The following SCGB1C1 variants were observed in gnomAD, a reference collection of about 807,000 sequenced individuals.
The protein encoded by SCGB1C1 is ligand binding protein RYD5.
Under a neutral mutation model 8.9 loss-of-function variants are expected in SCGB1C1, and 2 were observed. The ratio of observed to expected loss-of-function variants is 0.23; its 90% confidence interval spans 0.09 to 0.71. The LOEUF (loss-of-function observed/expected upper bound fraction) is 0.71. Among genes scored for constraint, SCGB1C1 ranks in the 30% least tolerant of loss-of-function variants. The pLI, the probability that SCGB1C1 is intolerant of heterozygous loss-of-function variation, is 0.78. For synonymous variants in SCGB1C1, 6 were observed against 45.8 expected, an observed-to-expected ratio of 0.13 and a Z score of 3.51; for missense variants, 25 against 112.7, an observed-to-expected ratio of 0.22 and a Z score of 3.52.
At chr11:191,831 CCCTAA>C (rs1245633377), upstream of SCGB1C1, among the ~76,000 whole-genome samples, 333 of 40,550 alleles carry the variant, frequency 8.2e-3, no homozygotes, top group Middle Eastern at 0.021. Flanking sequence ...TAACCCCTAA[CCCTAA>C]CCCTAACCCT....
Position 193,733 on chromosome 11 carries a change from A to G in SCGB1C1, c.77A>G (p.Asn26Ser). The change falls in exon 2 of 3, where the codon AAC becomes AGC. Residue 26 changes from asparagine to serine, a missense_variant. Physicochemically the swap from Asn to Ser is conservative, Grantham distance 46. Transcript: ENST00000342878. ...CICRMATGED[N>S]DEFFMDFLQT... ...GCAGGGATGGCCACAGGGGAGGACA[A>G]CGATGAGTTTTTCATGGACTTCCTG... 1 of 1,613,840 alleles carries G rather than the reference A, an allele frequency of 6.2e-7. No homozygotes were observed. Among genetic ancestry groups the G allele is most frequent in the East Asian group, 2.2e-5 (1 of 44,880 alleles).
chr11:192,411 T>C (rs1854829810), upstream of SCGB1C1, among the ~76,000 whole-genome samples: 1 of 152,000 alleles, frequency 6.6e-6, no homozygotes, highest in Non-Finnish European at 1.5e-5. Context: ...TGGCTACTGA[T>C]GGAAGATGTA....
upstream of SCGB1C1, among the ~76,000 whole-genome samples, chr11:189,582 C>T (rs1230354178): frequency 6.9e-6 from 1 of 145,036 alleles, no homozygotes. Flanking sequence ...GACGCAGAGT[C>T]ACGCGCCACC....
chr11:193,883 T>A lies in SCGB1C1; in HGVS notation c.227T>A (p.Met76Lys). 2 of 1,473,978 alleles carry A rather than the reference T, an allele frequency of 1.4e-6. No homozygotes were observed. Among genetic ancestry groups the A allele is most frequent in the Non-Finnish European group, 1.9e-6 (2 of 1,078,884 alleles). The allele number at this position is 1,473,978 out of a possible 1,614,324, so 91.3% of individuals were successfully genotyped here. A position where few individuals can be genotyped will look rare whatever the true frequency, so the allele number is the denominator to read the frequency against. ...LKSCIDGLQP[M>K]HKAELVKLLV... is the part of the protein sequence containing the mutation. Reference sequence around the variant, plus strand: ...TCCTGTATAGATGGCCTGCAGCCAATGCACAAGGCGGAGCTGGTCAAGCTG... The same window carrying A: ...TCCTGTATAGATGGCCTGCAGCCAAAGCACAAGGCGGAGCTGGTCAAGCTG... Residue 76 changes from methionine to lysine, a missense_variant, in exon 2 of 3, where the codon ATG becomes AAG. Physicochemically the swap from Met to Lys is moderately conservative, Grantham distance 95. Coordinates refer to ENST00000342878, the MANE Select transcript of SCGB1C1 (RefSeq NM_145651.3).
intron 1 of SCGB1C1, among the ~76,000 whole-genome samples, chr11:193,488 A>C (rs1233832188): frequency 2.0e-5 from 3 of 152,012 alleles, no homozygotes; most frequent in Non-Finnish European, 2.9e-5. Flanking sequence ...GATCCCAGGG[A>C]ATGCTGAGTG....
At chr11:191,914 C>T (rs1337559641), upstream of SCGB1C1, among the ~76,000 whole-genome samples, 19 of 151,868 alleles carry the variant, frequency 1.3e-4, no homozygotes, top group East Asian at 3.9e-4. Flanking sequence ...TAACCCTTAC[C>T]GGTGACCCTA....
At chr11:189,916 G>C (rs1202343011), upstream of SCGB1C1, among the ~76,000 whole-genome samples, 1 of 151,898 alleles carries the variant, frequency 6.6e-6, no homozygotes, top group African/African-American at 2.4e-5. Flanking sequence ...GGGCCCTCTT[G>C]CTCACAGTGT....
upstream of SCGB1C1, among the ~76,000 whole-genome samples, chr11:191,926 T>C (rs1854820381): frequency 6.6e-6 from 1 of 151,942 alleles, no homozygotes; most frequent in Non-Finnish European, 1.5e-5. Flanking sequence ...GTGACCCTAC[T>C]GTATCCCTGA....
At chr11:191,560 C>G (rs1208236851), upstream of SCGB1C1, among the ~76,000 whole-genome samples, 1 of 149,294 alleles carries the variant, frequency 6.7e-6, no homozygotes, top group African/African-American at 2.5e-5. Context: ...AACAGCCCAA[C>G]TAAAAATGCA....
upstream of SCGB1C1, among the ~76,000 whole-genome samples, chr11:189,328 C>T (rs1326858961): frequency 6.6e-6 from 1 of 152,192 alleles, no homozygotes; most frequent in East Asian, 1.9e-4. Context: ...CAAGCTCTAC[C>T]CTGGCCACCT....
chr11:190,873 TATC>T (rs1854791797), upstream of SCGB1C1, among the ~76,000 whole-genome samples: 1 of 152,294 alleles, frequency 6.6e-6, no homozygotes, highest in Non-Finnish European at 1.5e-5. Flanking sequence ...CCTTTGGCCT[TATC>T]AGCATGTAGC....
At chr11:191,855 CCCCTAACCCCTAACCCTAACCCTAA>C (rs1554886288), upstream of SCGB1C1, among the ~76,000 whole-genome samples, 10 of 16,226 alleles carry the variant, frequency 6.2e-4, no homozygotes, top group African/African-American at 1.3e-3. Context: ...CTAACCCTAA[CCCCTAACCCCTAACCCTAACCCTAA>C]CCCTAACCCC....
upstream of SCGB1C1, among the ~76,000 whole-genome samples, chr11:192,241 A>G (rs1397307351): frequency 2.0e-5 from 3 of 149,924 alleles, no homozygotes; most frequent in Non-Finnish European, 4.5e-5. Context: ...GGACTGGGAC[A>G]CCCCTACTCA....
upstream of SCGB1C1, among the ~76,000 whole-genome samples, chr11:191,440 A>G (rs1372470210): frequency 6.9e-5 from 8 of 115,768 alleles, no homozygotes; most frequent in African/African-American, 2.6e-4. Context: ...CCTTGTTAAG[A>G]GAACAAAAAG....
At chr11:189,877 G>GC (rs113558897), upstream of SCGB1C1, among the ~76,000 whole-genome samples, 21 of 49,050 alleles carry the variant, frequency 4.3e-4, no homozygotes, top group African/African-American at 3.1e-3. Flanking sequence ...GTGGCGGCAC[G>GC]CCGCCTGCAG....
intron 1 of SCGB1C1, among the ~76,000 whole-genome samples, chr11:193,375 C>T (rs1476714990): frequency 6.6e-6 from 1 of 151,200 alleles, no homozygotes; most frequent in African/African-American, 2.4e-5. Context: ...TCTCCTACCC[C>T]AGCCCAGTCC....
At chr11:191,459 C>G (rs1251641972), upstream of SCGB1C1, among the ~76,000 whole-genome samples, 2 of 121,430 alleles carry the variant, frequency 1.6e-5, no homozygotes, top group Non-Finnish European at 3.4e-5. Context: ...AGACAAGCCA[C>G]ATATTGAAGA....
upstream of SCGB1C1, among the ~76,000 whole-genome samples, chr11:192,327 G>A (rs1179931596): frequency 6.6e-6 from 1 of 151,972 alleles, no homozygotes; most frequent in Non-Finnish European, 1.5e-5. Flanking sequence ...TATGTCCTGG[G>A]ACCATCTCCC....
At chr11:190,894 A>G (rs1854792490), upstream of SCGB1C1, among the ~76,000 whole-genome samples, 1 of 152,308 alleles carries the variant, frequency 6.6e-6, no homozygotes, top group Non-Finnish European at 1.5e-5. Flanking sequence ...AGCTAGCAAT[A>G]TTCTGACATT....
Sources: allele counts gnomAD v4.1 joint callset (sites outside exome capture counted in the v4.1 genomes callset), GRCh38; gene constraint gnomAD v4.1.1; transcripts MANE v1.5; gene names NCBI Gene and HGNC (gene_info 2026-07-23, HGNC 2026-07-21).